COL5A1: variants seen among roughly 807,000 people sequenced by gnomAD.
The protein encoded by COL5A1 is collagen alpha-1(V) chain.
In COL5A1, 16 loss-of-function variants were observed where a neutral mutation model predicts 263.7. That is an observed-to-expected ratio of 0.06 (90% confidence interval 0.04 to 0.09). The LOEUF is 0.09. COL5A1 is among the 10% of genes least tolerant of loss of function. The pLI is 1.00. For missense variants in COL5A1, 2,036 were observed against 2,540.5 expected (o/e 0.80, Z 4.27); for synonymous variants, 1,012 against 1,004.5 (o/e 1.01, Z -0.14).
At chr9:134,739,515 G>A (rs552158961) in intron 11 of COL5A1, among the ~76,000 whole-genome samples, 17 of 152,370 alleles carry the variant, frequency 1.1e-4, no homozygotes, top group Non-Finnish European at 2.2e-4. Flanking sequence ...GCTGTCCGGG[G>A]CAGAGTGAGG....
Position 134,801,970 on chromosome 9 carries a change from C to T in COL5A1, c.2969C>T (p.Thr990Ile). Residue 990 changes from threonine to isoleucine, a missense_variant, in exon 38 of 66, where the codon ACC becomes ATC. Coordinates refer to ENST00000371817, the MANE Select transcript of COL5A1 (RefSeq NM_000093.5). ...TCTTCACAGGGTTTCCAAGGCAAGA[C>T]CGGCCCTCCAGGCCCCCCCGGCGTG... ...QRGETGFQGK[T>I]GPPGPPGVVG... is the part of the protein sequence containing the mutation. 1 of 1,613,432 alleles carries T rather than the reference C, an allele frequency of 6.2e-7. No homozygotes were observed.
At chr9:134,768,347 C>T (rs376004711) in intron 24 of COL5A1, 63 bp from the exon 25 acceptor site, 11 of 1,414,198 alleles carry the variant, frequency 7.8e-6, no homozygotes, top group Admixed American at 1.7e-5. Context: ...CCTTGGTGGC[C>T]GACGGAGAGG....
chr9:134,687,550 A>G (rs1298269568), intron 1 of COL5A1, among the ~76,000 whole-genome samples: 2 of 152,172 alleles, frequency 1.3e-5, no homozygotes, highest in Non-Finnish European at 2.9e-5. Flanking sequence ...CGAGGGTTCC[A>G]TGGAATCAAC....
chr9:134,715,124 C>G (rs1018318052), intron 4 of COL5A1, among the ~76,000 whole-genome samples: 1 of 152,038 alleles, frequency 6.6e-6, no homozygotes, highest in African/African-American at 2.4e-5. Flanking sequence ...ATCATTATCT[C>G]TACCATCTCA....
intron 25 of COL5A1, 63 bp from the exon 26 acceptor site, chr9:134,772,727 G>C: frequency 6.6e-7 from 1 of 1,519,658 alleles, no homozygotes; most frequent in South Asian, 1.1e-5. Flanking sequence ...GCAGGGAGGG[G>C]AAGCGAGGGA....
In COL5A1 at chr9:134,806,234, G is replaced by A; in HGVS notation, c.3304G>A (p.Gly1102Arg). 6.4e-7 allele frequency: 1 copy of A among 1,550,496 alleles called. No individual in the cohort carries two copies. Among genetic ancestry groups the A allele is most frequent in the Non-Finnish European group, 8.7e-7 (1 of 1,146,912 alleles). ...TCCAGCTGGAGCCGCTGGGCCCATC[G>A]GAATTCCAGGGAGACCTGGGCCCCA... Reference protein sequence around the residue: ...RGPAGAAGPIGIPGRPGPQGP... With the variant: ...RGPAGAAGPIRIPGRPGPQGP... The change falls in exon 42 of 66, where the codon GGA becomes AGA. Residue 1102 changes from glycine to arginine, a missense_variant. Gly to Arg is a moderately radical substitution (Grantham distance 125). Transcript: ENST00000371817.
At position 134,686,056 on chromosome 9, in the gene COL5A1, A is replaced by G. The variant is rs536514657; in HGVS notation, c.110-4856A>G. ...TCTATCCACCATTCATTTATCCACT[A>G]TCCATCCATTCATCCGTCCATCCTG... On this transcript the variant is annotated intron_variant, in intron 1 of 65. Coordinates refer to ENST00000371817, the MANE Select transcript of COL5A1 (RefSeq NM_000093.5). The surrounding 1 kb of genome is among the most constrained non-coding windows in gnomAD (Gnocchi z 4.6). Among the ~76,000 whole-genome samples the G allele has an allele frequency of 6.6e-6, 1 of 152,242 alleles. No individual in the cohort carries two copies. Among genetic ancestry groups the G allele is most frequent in the South Asian group, 2.1e-4 (1 of 4,818 alleles).
intron 1 of COL5A1, among the ~76,000 whole-genome samples, chr9:134,664,262 A>G (rs1173077858): frequency 1.3e-5 from 2 of 152,156 alleles, no homozygotes; most frequent in African/African-American, 4.8e-5. Context: ...CCATAAAACT[A>G]CTAGAAGAAA....
intron 1 of COL5A1, among the ~76,000 whole-genome samples, chr9:134,658,713 C>T (rs560557616): frequency 9.2e-5 from 14 of 152,144 alleles, no homozygotes; most frequent in African/African-American, 2.9e-4. Flanking sequence ...TGGAGGGTGG[C>T]GGGGGGTGGG....
intron 2 of COL5A1, among the ~76,000 whole-genome samples, chr9:134,697,612 T>C (rs1278193771): frequency 6.6e-6 from 1 of 152,080 alleles, no homozygotes; most frequent in Non-Finnish European, 1.5e-5. Flanking sequence ...ACCTGAGTGC[T>C]TCAGGTGAGA....
At position 134,842,351 on chromosome 9, in the gene COL5A1, G is replaced by T; in HGVS notation, c.*48G>T. On this transcript the variant is annotated 3_prime_UTR_variant, in exon 66 of 66. Transcript: ENST00000371817. This position sits in a 1 kb window ranked among gnomAD's most constrained non-coding sequence, Gnocchi z 5.8. ...GAGAGCAACCTCGTGACCTCAGCAT[G>T]CCATTCGTTCGTGAGTGTCCCGTGC... 6.2e-7 allele frequency: 1 copy of T among 1,609,614 alleles called. No individual in the cohort carries two copies. Among genetic ancestry groups the T allele is most frequent in the Non-Finnish European group, 8.5e-7 (1 of 1,178,138 alleles).
rs1407390570 is a variant in COL5A1, at chr9:134,804,993, G to A, written c.3133G>A (p.Gly1045Ser). 2 of 1,613,912 alleles carry A rather than the reference G, an allele frequency of 1.2e-6. No homozygotes were observed. ...TTTTCAGGGTGACCCAGGCCCTGCA[G>A]GCCTCCCTGGGAAAGATGGCCCTCC... ...EGTKGDPGPAGLPGKDGPPGL... is the reference protein window; with the variant it reads ...EGTKGDPGPASLPGKDGPPGL... Residue 1045 changes from glycine to serine, a missense_variant, in exon 40 of 66, where the codon GGC (glycine) becomes AGC (serine). Physicochemically the swap from Gly to Ser is moderately conservative, Grantham distance 56 (BLOSUM62 0). Transcript: ENST00000371817.
intron 1 of COL5A1, among the ~76,000 whole-genome samples, chr9:134,675,889 G>C (rs1474411019): frequency 6.6e-6 from 1 of 152,198 alleles, no homozygotes; most frequent in African/African-American, 2.4e-5. Context: ...CTAGACTTGT[G>C]AGCCAGCAGT....
intron 46 of COL5A1, 33 bp from the exon 47 acceptor site, chr9:134,812,416 A>G: frequency 6.2e-7 from 1 of 1,611,810 alleles, no homozygotes; most frequent in Non-Finnish European, 8.5e-7. Context: ...ACATGACAGA[A>G]CAGCGCTTAA....
At position 134,696,061 on chromosome 9, in the gene COL5A1, G is replaced by T. The variant is rs116457284; in HGVS notation, c.278-3848G>T. ...CCAGGGTCCAGCTGAAACCTCAGCCGCCCCCCAGGTTCCTGGCCCCCTGTC... is the reference window on the plus strand; with the variant it reads ...CCAGGGTCCAGCTGAAACCTCAGCCTCCCCCCAGGTTCCTGGCCCCCTGTC... On this transcript the variant is annotated intron_variant, in intron 2 of 65. Coordinates refer to ENST00000371817, the MANE Select transcript of COL5A1 (RefSeq NM_000093.5). This position sits in a 1 kb window ranked among gnomAD's most constrained non-coding sequence, Gnocchi z 4.3. Among the ~76,000 whole-genome samples, 6,488 of 152,088 alleles carry T rather than the reference G, an allele frequency of 0.043. 165 individuals carry two copies. Among genetic ancestry groups the T allele is most frequent in the African/African-American group, 0.066 (2,730 of 41,478 alleles).
At chr9:134,645,637 C>T (rs1005347926) in intron 1 of COL5A1, among the ~76,000 whole-genome samples, 1 of 152,232 alleles carries the variant, frequency 6.6e-6, no homozygotes, top group African/African-American at 2.4e-5. Flanking sequence ...TCTCACTGCA[C>T]CCTCACCCGG....
chr9:134,844,484 C>T lies in COL5A1; in HGVS notation c.*2181C>T, dbSNP rs558476167. On this transcript the variant is annotated 3_prime_UTR_variant, in exon 66 of 66. Transcript: ENST00000371817. ...TTGTACTGAACTTCAAAATGTGTCCCGTTCTCCCCAGACCACTCTAGCCAC... is the reference window on the plus strand; with the variant it reads ...TTGTACTGAACTTCAAAATGTGTCCTGTTCTCCCCAGACCACTCTAGCCAC... 2 of 152,554 alleles carry T rather than the reference C, an allele frequency of 1.3e-5. No homozygotes were observed. Among genetic ancestry groups the T allele is most frequent in the African/African-American group, 4.8e-5 (2 of 41,530 alleles). 9.5% of individuals were successfully genotyped at this position (152,554 alleles called of 1,614,324 possible).
Position 134,728,670 on chromosome 9 carries a change from T to G in COL5A1, c.787T>G (p.Tyr263Asp), listed in dbSNP as rs1296707342. Residue 263 changes from tyrosine (Y) to aspartate (D), a missense_variant and splice_region_variant, in exon 6 of 66, where the codon TAC becomes GAC. Physicochemically the swap from Tyr to Asp is radical, Grantham distance 160 (BLOSUM62 -3). Coordinates refer to ENST00000371817, the MANE Select transcript of COL5A1 (RefSeq NM_000093.5). ...QSQDPNPDEY[Y>D]TEGDGEGETY... is the part of the protein sequence containing the mutation. ...TCACGGGGCCGCAATTCGCTTTCAG[T>G]ACACGGAAGGAGACGGCGAGGGTGA... 6.2e-7 allele frequency: 1 copy of G among 1,613,970 alleles called. No individual in the cohort carries two copies. The highest frequency in any genetic ancestry group is 1.7e-5 in the Admixed American group (1 of 60,026).
chr9:134,835,516 G>C (rs566941627), intron 65 of COL5A1, among the ~76,000 whole-genome samples: 1 of 152,216 alleles, frequency 6.6e-6, no homozygotes. Context: ...TGGAGGACCC[G>C]TTGTGGTTCC....
Sources: allele counts gnomAD v4.1 joint callset (sites outside exome capture counted in the v4.1 genomes callset), GRCh38; gene constraint gnomAD v4.1.1; non-coding constraint Gnocchi (gnomAD v3.1); transcripts MANE v1.5; gene names NCBI Gene and HGNC (gene_info 2026-07-23, HGNC 2026-07-21).